RFXANK: variants seen among roughly 807,000 people sequenced by gnomAD.
RFXANK encodes the protein regulatory factor X associated ankyrin containing protein, also known as DNA-binding protein RFXANK.
Under a neutral mutation model 34.5 loss-of-function variants are expected in RFXANK, and 19 were observed. The observed-to-expected ratio is 0.55, with a 90% CI of 0.38 to 0.81. The LOEUF (loss-of-function observed/expected upper bound fraction) is 0.81, where lower values mean the gene tolerates loss of function less well. Ranked by LOEUF, RFXANK falls within the 30% of genes least tolerant of loss-of-function variation. The pLI is 0.00. For missense variants in RFXANK, 295 were observed against 343.5 expected (o/e 0.86, Z 1.12); for synonymous variants, 154 against 149.8 (o/e 1.03, Z -0.20).
At chr19:19,197,472 TA>T (rs777603188) in intron 5 of RFXANK, 48 bp from the exon 6 acceptor site, 15 of 1,577,924 alleles carry the variant, frequency 9.5e-6, no homozygotes, top group African/African-American at 1.3e-5. Context: ...GCACTGGGGA[TA>T]GGGGGCAGGG....
intron 3 of RFXANK, among the ~76,000 whole-genome samples, chr19:19,194,549 T>G (rs2146466323): frequency 6.6e-6 from 1 of 152,166 alleles, no homozygotes; most frequent in Non-Finnish European, 1.5e-5. Context: ...TTTTGTTTTT[T>G]GATACAGGGT....
At chr19:19,198,796 G>A in intron 8 of RFXANK, 73 bp downstream of exon 8, 1 of 1,451,766 alleles carries the variant, frequency 6.9e-7, no homozygotes, top group Non-Finnish European at 9.7e-7. Context: ...TGAGGGCAGG[G>A]AGACGCCCAA....
chr19:19,199,368 G>C (rs2060657953), intron 9 of RFXANK, 134 bp downstream of exon 9: 1 of 881,782 alleles, frequency 1.1e-6, no homozygotes, highest in Non-Finnish European at 1.9e-6. Context: ...GAGCACTGCT[G>C]TGTATCCCGC....
chr19:19,199,363 C>T, intron 9 of RFXANK, 129 bp downstream of exon 9: 3 of 914,404 alleles, frequency 3.3e-6, no homozygotes, highest in Non-Finnish European at 5.4e-6. Flanking sequence ...GTGTTGAGCA[C>T]TGCTGTGTAT....
chr19:19,201,785 G>T lies in RFXANK; in HGVS notation c.*66G>T. Reference sequence around the variant, plus strand: ...GGTCAGCCAGAGCTGGGGAAACCCAGAACTGACTTCAAAGGCAGCTTCTGG... The same window carrying T: ...GGTCAGCCAGAGCTGGGGAAACCCATAACTGACTTCAAAGGCAGCTTCTGG... On this transcript the variant is annotated 3_prime_UTR_variant, in exon 10 of 10. Coordinates refer to ENST00000303088, the MANE Select transcript of RFXANK (RefSeq NM_003721.4). 1 of 1,613,322 alleles carries T rather than the reference G, an allele frequency of 6.2e-7. No homozygotes were observed. The highest frequency in any genetic ancestry group is 1.1e-5 in the South Asian group (1 of 91,040).
In RFXANK at chr19:19,201,561, C is replaced by A. The variant is rs535238184; in HGVS notation, c.713-88C>A. On this transcript the variant is annotated intron_variant, in intron 9 of 9. Transcript: ENST00000303088. The stretch of plus-strand genomic sequence containing the variant: ...GGTCTCTGCAAGGGTCCCTGTTTGT[C>A]CCCTAAGGGGAGAGCGCAGGTTGGC... 2.6e-5 allele frequency: 42 copies of A among 1,608,476 alleles called. No homozygotes were observed. In the African/African-American group the frequency reaches 3.2e-4, roughly 12 times the overall value.
chr19:19,197,609 C>A lies in RFXANK; in HGVS notation c.426C>A (p.Phe142Leu), dbSNP rs1206746915. The A allele has an allele frequency of 6.2e-7, 1 of 1,613,604 alleles. No homozygotes were observed. Among genetic ancestry groups the A allele is most frequent in the Non-Finnish European group, 8.5e-7 (1 of 1,179,976 alleles). Reference sequence around the variant, plus strand: ...TTGGAGAGATTGAGACCGTTCGCTTCCTGCTGGAGTGGGTGCGTCCCAGCC... The same window carrying A: ...TTGGAGAGATTGAGACCGTTCGCTTACTGCTGGAGTGGGTGCGTCCCAGCC... ...SAFGEIETVR[F>L]LLEWGADPHI... The change falls in exon 6 of 10, where the codon TTC becomes TTA. Residue 142 changes from phenylalanine (F) to leucine (L), a missense_variant. Transcript: ENST00000303088.
chr19:19,192,448 A>C lies in RFXANK; in HGVS notation c.-256A>C. 2.5e-6 allele frequency: 1 copy of C among 401,230 alleles called. No homozygotes were observed. Among genetic ancestry groups the C allele is most frequent in the Non-Finnish European group, 4.6e-6 (1 of 219,108 alleles). 24.9% of individuals were successfully genotyped at this position (401,230 alleles called of 1,614,324 possible). A position where few individuals can be genotyped will look rare whatever the true frequency, so the allele number is the denominator to read the frequency against. On this transcript the variant is annotated 5_prime_UTR_variant, in exon 1 of 10. Transcript: ENST00000303088. ...GAGTTGGGGGAGTCCTCCACGCATT[A>C]CCCACTCGGGCCGCAAAAACTCCCT...
intron 2 of RFXANK, among the ~76,000 whole-genome samples, 170 bp downstream of exon 2, chr19:19,193,270 G>A (rs1334997476): frequency 6.6e-6 from 1 of 152,092 alleles, no homozygotes; most frequent in Non-Finnish European, 1.5e-5. Flanking sequence ...GACATAATTC[G>A]TTGTAGGTCT....
Position 19,197,536 on chromosome 19 carries a change from A to G in RFXANK, c.353A>G (p.Asn118Ser). Residue 118 changes from asparagine to serine, a missense_variant, in exon 6 of 10, where the codon AAC becomes AGC. Physicochemically the swap from Asn to Ser is conservative, Grantham distance 46. Coordinates refer to ENST00000303088, the MANE Select transcript of RFXANK (RefSeq NM_003721.4). ...CTCCTGCCAGGTGACAACCTCGTCA[A>G]CAAGCCAGACGAGCGCGGCTTCACC... The part of the protein sequence containing the change: ...EHLRKGDNLV[N>S]KPDERGFTPL... 2.5e-6 allele frequency: 4 copies of G among 1,613,836 alleles called. No individual in the cohort carries two copies. Among genetic ancestry groups the G allele is most frequent in the Non-Finnish European group, 2.5e-6 (3 of 1,179,996 alleles).
rs933537451 is a variant in RFXANK at position 19,192,303 on chromosome 19, A to G, written c.-401A>G. The G allele has an allele frequency of 9.2e-6, 7 of 757,178 alleles. No individual in the cohort carries two copies. Among genetic ancestry groups the G allele is most frequent in the African/African-American group, 3.5e-5 (2 of 56,698 alleles). 46.9% of individuals were successfully genotyped at this position (757,178 alleles called of 1,614,324 possible). Reference sequence around the variant, plus strand: ...CTGTGTGAGACGCAGGGAAGGAGGCACACCCGGGGGTGGCGCAGTGAGGAG... The same window carrying G: ...CTGTGTGAGACGCAGGGAAGGAGGCGCACCCGGGGGTGGCGCAGTGAGGAG... On this transcript the variant is annotated 5_prime_UTR_variant, in exon 1 of 10. Coordinates refer to ENST00000303088, the MANE Select transcript of RFXANK (RefSeq NM_003721.4).
At chr19:19,193,646 C>T (rs2060538938) in intron 2 of RFXANK, among the ~76,000 whole-genome samples, 1 of 152,050 alleles carries the variant, frequency 6.6e-6, no homozygotes, top group Non-Finnish European at 1.5e-5. Context: ...GAACTCCTGA[C>T]CTCATGATCC....
chr19:19,201,184 C>T (rs1385725906), intron 9 of RFXANK, among the ~76,000 whole-genome samples: 1 of 152,188 alleles, frequency 6.6e-6, no homozygotes, highest in East Asian at 1.9e-4. Flanking sequence ...AAGTGATCCA[C>T]CTACCTTGGC....
chr19:19,198,835 T>C, intron 8 of RFXANK, 112 bp downstream of exon 8: 5 of 1,077,880 alleles, frequency 4.6e-6, no homozygotes, highest in Non-Finnish European at 7.1e-6. Flanking sequence ...TTGGAGCAGG[T>C]AGTCCCTGCC....
At chr19:19,197,153 ATGAG>A (rs2060613921) in intron 4 of RFXANK, 29 bp from the exon 5 acceptor site, 5 of 1,613,448 alleles carry the variant, frequency 3.1e-6, no homozygotes, top group Non-Finnish European at 4.2e-6. Context: ...AAGCAAGGGG[ATGAG>A]TGAGGACTCT....
At chr19:19,198,609 A>T in intron 7 of RFXANK, 48 bp from the exon 8 acceptor site, 1 of 1,601,314 alleles carries the variant, frequency 6.2e-7, no homozygotes, top group Non-Finnish European at 8.5e-7. Context: ...CATTTTGAGA[A>T]TGAGGAAGAG....
rs71338310 is a variant in RFXANK, at chr19:19,193,412, CTT to C, written c.-9+335_-9+336del. 8.8e-3 allele frequency among the ~76,000 whole-genome samples: 835 copies of C among 94,752 alleles called. 2 individuals carry two copies. Among genetic ancestry groups the C allele is most frequent in the Non-Finnish European group, 0.013 (657 of 48,704 alleles). 62.2% of individuals were successfully genotyped at this position (94,752 alleles called of 152,430 possible). A position where few individuals can be genotyped will look rare whatever the true frequency, so the allele number is the denominator to read the frequency against. On this transcript the variant is annotated intron_variant, in intron 2 of 9. Coordinates refer to ENST00000303088, the MANE Select transcript of RFXANK (RefSeq NM_003721.4). Reference sequence around the variant, plus strand: ...CAGAGCCCCGGCTTTTTTTTCCTTTCTTTTTTTTTTTTTTTTTTTTTTTTGAG... The same window carrying C: ...CAGAGCCCCGGCTTTTTTTTCCTTTCTTTTTTTTTTTTTTTTTTTTTTGAG...
intron 3 of RFXANK, among the ~76,000 whole-genome samples, chr19:19,194,690 ATTTT>A (rs75789359): frequency 7.3e-6 from 1 of 137,102 alleles, no homozygotes. Context: ...CACCTGGCTA[ATTTT>A]TTTTTTTTTT....
At chr19:19,199,625 A>T (rs548534267) in intron 9 of RFXANK, among the ~76,000 whole-genome samples, 12 of 151,724 alleles carry the variant, frequency 7.9e-5, no homozygotes, top group Middle Eastern at 3.4e-3. Flanking sequence ...TCAGGGAAGG[A>T]TTCTGGGGGA....
Sources: gnomAD v4.1 joint callset for allele counts (sites outside exome capture counted in the v4.1 genomes callset) on GRCh38, gnomAD v4.1.1 for gene constraint, MANE v1.5 for transcripts, NCBI Gene and HGNC (gene_info 2026-07-23, HGNC 2026-07-21) for gene names.